The following AOAH variants were observed in gnomAD, a reference collection of about 807,000 sequenced individuals.
The protein encoded by AOAH is acyloxyacyl hydrolase (neutrophil).
Under a neutral mutation model 92.2 loss-of-function variants are expected in AOAH, and 64 were observed. That is an observed-to-expected ratio of 0.69 (90% CI 0.57 to 0.86). The LOEUF (loss-of-function observed/expected upper bound fraction) is 0.86, where lower values mean the gene tolerates loss of function less well. Ranked by LOEUF, AOAH falls within the 40% of genes least tolerant of loss-of-function variation. AOAH has a pLI of 0.00. For missense variants in AOAH, 656 were observed against 694.6 expected (o/e 0.94, Z 0.62); for synonymous variants, 263 against 254.5 (o/e 1.03, Z -0.32).
chr7:36,603,224 C>T (rs1190771667), intron 11 of AOAH, among the ~76,000 whole-genome samples: 1 of 152,054 alleles, frequency 6.6e-6, no homozygotes, highest in Non-Finnish European at 1.5e-5. Flanking sequence ...TCAATGTCAT[C>T]CTCCACCACA....
At position 36,640,054 on chromosome 7, in the gene AOAH, C is replaced by T. The variant is rs373815734; in HGVS notation, c.391-2144G>A. Among the ~76,000 whole-genome samples the T allele has an allele frequency of 4.0e-4, 61 of 152,170 alleles. 1 individual carries two copies. The highest frequency in any genetic ancestry group is 3.9e-3 in the East Asian group (20 of 5,172). On this transcript the variant is annotated intron_variant, in intron 4 of 20. Transcript: ENST00000617537. ...GGGATGGGTGGCTTGTGTGTCCTCC[C>T]GGGAGGTCTAGGGTGGGTTCATCTG... is the stretch of plus-strand genomic sequence containing the variant.
chr7:36,699,134 C>T (rs1562708882), intron 1 of AOAH, among the ~76,000 whole-genome samples: 2 of 151,910 alleles, frequency 1.3e-5, no homozygotes, highest in African/African-American at 4.8e-5. Context: ...AAATGACAGG[C>T]TTTCATTCTT....
intron 16 of AOAH, among the ~76,000 whole-genome samples, chr7:36,533,264 C>G (rs1784805479): frequency 6.6e-6 from 1 of 152,144 alleles, no homozygotes; most frequent in African/African-American, 2.4e-5. Flanking sequence ...GACACTGTAT[C>G]CATTAACACT....
chr7:36,546,167 G>A (rs1309584922), intron 15 of AOAH, among the ~76,000 whole-genome samples: 1 of 152,236 alleles, frequency 6.6e-6, no homozygotes, highest in Non-Finnish European at 1.5e-5. Context: ...GTAACTGGAT[G>A]AGTTTAGAGA....
At chr7:36,553,034 A>G (rs1242744275) in intron 13 of AOAH, among the ~76,000 whole-genome samples, 1 of 150,714 alleles carries the variant, frequency 6.6e-6, no homozygotes, top group Non-Finnish European at 1.5e-5. Context: ...TTACTTACAT[A>G]TGTATACATC....
intron 1 of AOAH, among the ~76,000 whole-genome samples, chr7:36,713,311 C>G (rs531437641): frequency 2.1e-5 from 2 of 96,668 alleles, no homozygotes; most frequent in East Asian, 1.3e-3. Context: ...AATACAGGAG[C>G]ACCCAGATTC....
At chr7:36,519,005 TA>T (rs1337858455) in intron 20 of AOAH, among the ~76,000 whole-genome samples, 1 of 152,232 alleles carries the variant, frequency 6.6e-6, no homozygotes, top group Non-Finnish European at 1.5e-5. Context: ...TTTGGTCATT[TA>T]AAAAATCTTT....
chr7:36,600,536 G>A (rs761503978), intron 11 of AOAH, among the ~76,000 whole-genome samples: 14 of 152,162 alleles, frequency 9.2e-5, no homozygotes, highest in Middle Eastern at 6.3e-3. Flanking sequence ...AGGCCCCCGG[G>A]AGACGGCGCA....
At chr7:36,620,643 C>T (rs1792212246) in intron 9 of AOAH, 138 bp downstream of exon 9, 2 of 723,590 alleles carry the variant, frequency 2.8e-6, no homozygotes, top group African/African-American at 3.6e-5. Context: ...ATTCTATACC[C>T]CTCTTCTAAG....
At chr7:36,716,138 A>G (rs1584187026) in intron 1 of AOAH, among the ~76,000 whole-genome samples, 2 of 152,248 alleles carry the variant, frequency 1.3e-5, no homozygotes, top group African/African-American at 2.4e-5. Flanking sequence ...AAGAAAAAAC[A>G]AACAACCCCA....
chr7:36,571,456 G>A (rs1788143915), intron 13 of AOAH, among the ~76,000 whole-genome samples: 1 of 152,148 alleles, frequency 6.6e-6, no homozygotes, highest in Non-Finnish European at 1.5e-5. Flanking sequence ...CCATCCTCAG[G>A]GCTTCTTTGG....
intron 9 of AOAH, 61 bp from the exon 10 acceptor site, chr7:36,618,406 A>T: frequency 6.7e-7 from 1 of 1,486,130 alleles, no homozygotes; most frequent in Non-Finnish European, 9.4e-7. Context: ...TACATATACT[A>T]AAGCTCTCCT....
intron 12 of AOAH, among the ~76,000 whole-genome samples, chr7:36,578,200 T>C (rs1187581775): frequency 6.6e-6 from 1 of 152,222 alleles, no homozygotes; most frequent in Non-Finnish European, 1.5e-5. Context: ...TAGATGCTTA[T>C]TGAGCACCTG....
chr7:36,643,717 C>T (rs1194547545), intron 4 of AOAH, among the ~76,000 whole-genome samples: 1 of 152,100 alleles, frequency 6.6e-6, no homozygotes, highest in East Asian at 1.9e-4. Flanking sequence ...GGAGGACTGG[C>T]CTGGTGGGAG....
intron 20 of AOAH, chr7:36,514,564 T>C (rs774933077): frequency 2.9e-5 from 45 of 1,535,732 alleles, no homozygotes; most frequent in Admixed American, 7.8e-5. Context: ...TTGTCATTAA[T>C]ATGCCTTTGA....
chr7:36,533,302 G>C (rs1784807177), intron 16 of AOAH, among the ~76,000 whole-genome samples: 1 of 152,022 alleles, frequency 6.6e-6, no homozygotes, highest in Admixed American at 6.5e-5. Flanking sequence ...CATAAAGGAA[G>C]ATAATAGGAC....
Position 36,556,370 on chromosome 7 carries a change from C to A in AOAH, c.1022-6895G>T, listed in dbSNP as rs1393782238. On this transcript the variant is annotated intron_variant, in intron 13 of 20. Coordinates refer to ENST00000617537, the MANE Select transcript of AOAH (RefSeq NM_001637.4). Reference sequence around the variant, plus strand: ...GAGACAGTTTGTTATAATTTCTGTTCTTTTCCATTTGCTGAGGAGAGCTTT... The same window carrying A: ...GAGACAGTTTGTTATAATTTCTGTTATTTTCCATTTGCTGAGGAGAGCTTT... Among the ~76,000 whole-genome samples the A allele has an allele frequency of 2.6e-5, 4 of 151,982 alleles. No homozygotes were observed. The East Asian group carries it at 5.8e-4, about 22-fold the overall frequency.
intron 4 of AOAH, among the ~76,000 whole-genome samples, chr7:36,654,128 TAC>T (rs767393225): frequency 6.1e-5 from 9 of 146,700 alleles, no homozygotes; most frequent in Non-Finnish European, 7.6e-5. Flanking sequence ...CGTGTGTGCG[TAC>T]ACACACACAC....
chr7:36,563,147 C>CAAA lies in AOAH; in HGVS notation c.1021+13424_1021+13426dup, dbSNP rs60240330. On this transcript the variant is annotated intron_variant, in intron 13 of 20. Coordinates refer to ENST00000617537, the MANE Select transcript of AOAH (RefSeq NM_001637.4). The stretch of plus-strand genomic sequence containing the variant: ...GTGCAACAAGAATGAAACTCCGTCT[C>CAAA]AAAAAAAAAAAAAAAAAAAAAAAAA... 5.0e-4 allele frequency among the ~76,000 whole-genome samples: 18 copies of CAAA among 36,060 alleles called. 6 individuals carry two copies. The highest frequency in any genetic ancestry group is 3.8e-4 in the African/African-American group (4 of 10,500). 23.7% of individuals were successfully genotyped at this position (36,060 alleles called of 152,430 possible).
Sources: allele counts gnomAD v4.1 joint callset (sites outside exome capture counted in the v4.1 genomes callset), GRCh38; gene constraint gnomAD v4.1.1; transcripts MANE v1.5; gene names NCBI Gene and HGNC (gene_info 2026-07-23, HGNC 2026-07-21).